Variants in AKAP3 observed in about 807,000 individuals in gnomAD.
The protein encoded by AKAP3 is A-kinase anchoring protein 3, also known as A-kinase anchor protein 3.
In AKAP3, 27 loss-of-function variants were observed where a neutral mutation model predicts 57.2. The ratio of observed to expected loss-of-function variants is 0.47; its 90% CI spans 0.35 to 0.65. The LOEUF (loss-of-function observed/expected upper bound fraction) is 0.65, where lower values mean the gene tolerates loss of function less well. Among genes scored for constraint, AKAP3 ranks in the 30% least tolerant of loss-of-function variants. The pLI is 0.01. For synonymous variants in AKAP3, 334 were observed against 392.3 expected, an observed-to-expected ratio of 0.85 and a Z score of 1.76; for missense variants, 959 against 1,040.0, an observed-to-expected ratio of 0.92 and a Z score of 1.07.
intron 4 of AKAP3, chr12:4,631,250 T>C (rs1003636771): frequency 1.5e-6 from 1 of 669,252 alleles, no homozygotes; most frequent in East Asian, 2.8e-5. Flanking sequence ...TAATGATTTA[T>C]AGAGTTATAT....
chr12:4,648,964 C>A lies in AKAP3; in HGVS notation c.-464G>T. On this transcript the variant is annotated 5_prime_UTR_variant, in exon 1 of 6. Transcript: ENST00000228850. ...CCAAAGTCTTTTCACTTCCTTTCTT[C>A]CCCCTCTCCTTCACTTTCCCAGCTT... is the stretch of plus-strand genomic sequence containing the variant. 3 of 721,736 alleles carry A rather than the reference C, an allele frequency of 4.2e-6. No individual in the cohort carries two copies. Among genetic ancestry groups the A allele is most frequent in the Non-Finnish European group, 6.9e-6 (3 of 437,388 alleles). 44.7% of individuals were successfully genotyped at this position (721,736 alleles called of 1,614,324 possible).
rs1003553510 is a variant in AKAP3 at position 4,627,587 on chromosome 12, T to C, written c.1315A>G (p.Lys439Glu). 5 of 1,614,162 alleles carry C rather than the reference T, an allele frequency of 3.1e-6. No homozygotes were observed. Among genetic ancestry groups the C allele is most frequent in the Non-Finnish European group, 4.2e-6 (5 of 1,180,038 alleles). Residue 439 changes from lysine to glutamate, a missense_variant, in exon 5 of 6, where the codon AAA becomes GAA. Transcript: ENST00000228850. ...KLREKMYSEP[K>E]SEEETCAKTL... Reference sequence around the variant, plus strand: ...TTCGCACAAGTCTCCTCCTCTGATTTGGGTTCAGAATACATTTTTTCTCTC... The same window carrying C: ...TTCGCACAAGTCTCCTCCTCTGATTCGGGTTCAGAATACATTTTTTCTCTC...
At chr12:4,636,670 T>C (rs931915558) in intron 4 of AKAP3, among the ~76,000 whole-genome samples, 1 of 152,242 alleles carries the variant, frequency 6.6e-6, no homozygotes, top group African/African-American at 2.4e-5. Context: ...TAAAACTTTA[T>C]ATAGATCGAC....
intron 3 of AKAP3, among the ~76,000 whole-genome samples, chr12:4,639,847 C>T (rs59421885): frequency 0.092 from 12,921 of 139,852 alleles, 1,080 homozygotes; most frequent in East Asian, 0.28. Context: ...GACAGAGTCT[C>T]GCTCTTTCGC....
At chr12:4,637,026 G>A (rs1482394931) in intron 4 of AKAP3, among the ~76,000 whole-genome samples, 6 of 152,216 alleles carry the variant, frequency 3.9e-5, no homozygotes, top group Admixed American at 3.9e-4. Flanking sequence ...GATTACAGGT[G>A]TGAGCCACTG....
chr12:4,639,496 A>G (rs1023803609), intron 3 of AKAP3, among the ~76,000 whole-genome samples: 3 of 152,104 alleles, frequency 2.0e-5, no homozygotes, highest in Non-Finnish European at 4.4e-5. Flanking sequence ...TTACATATGT[A>G]TACGTGTGCT....
At chr12:4,617,491 G>A (rs534654332) in intron 5 of AKAP3, among the ~76,000 whole-genome samples, 2 of 152,306 alleles carry the variant, frequency 1.3e-5, no homozygotes, top group African/African-American at 2.4e-5. Context: ...AGTGGCTCAC[G>A]CCTGTAATCC....
intron 5 of AKAP3, among the ~76,000 whole-genome samples, chr12:4,623,407 C>G (rs529682882): frequency 1.4e-4 from 22 of 152,326 alleles, no homozygotes; most frequent in African/African-American, 5.3e-4. Context: ...TACATATACA[C>G]CATGGAATAT....
At chr12:4,643,537 T>C (rs1261767262) in intron 2 of AKAP3, among the ~76,000 whole-genome samples, 1 of 152,196 alleles carries the variant, frequency 6.6e-6, no homozygotes, top group Admixed American at 6.5e-5. Context: ...TCTCAGCTTA[T>C]AGATTAGGAT....
rs1325656509 is a variant in AKAP3 at position 4,625,834 on chromosome 12, A to G, written c.2406+662T>C. 6.6e-6 allele frequency among the ~76,000 whole-genome samples: 1 copy of G among 151,836 alleles called. No homozygotes were observed. Among genetic ancestry groups the G allele is most frequent in the African/African-American group, 2.4e-5 (1 of 41,300 alleles). On this transcript the variant is annotated intron_variant, in intron 5 of 5. Coordinates refer to ENST00000228850, the MANE Select transcript of AKAP3 (RefSeq NM_001278309.2). The surrounding 1 kb of genome is among the most constrained non-coding windows in gnomAD (Gnocchi z 5.4). ...AAGTGTGCGTGTTCTCCAGACTCAA[A>G]CCCTCCCTTTGGCGCGCAGTTCTGA...
Position 4,628,522 on chromosome 12 carries a change from T to C in AKAP3, c.380A>G (p.Tyr127Cys), listed in dbSNP as rs1322410967. ...NGSSVDEVSFYANRLTNLVIA... is the reference protein window; with the variant it reads ...NGSSVDEVSFCANRLTNLVIA... ...GACTAGATTCGTGAGGCGGTTAGCA[T>C]AGAAGGAAACTTCATCTACTGAACT... Residue 127 changes from tyrosine (Y) to cysteine (C), a missense_variant, in exon 5 of 6, where the codon TAT (tyrosine) becomes TGT (cysteine). Transcript: ENST00000228850. 1.2e-6 allele frequency: 2 copies of C among 1,614,196 alleles called. No homozygotes were observed. The highest frequency in any genetic ancestry group is 1.1e-5 in the South Asian group (1 of 91,076).
chr12:4,627,576 C>T lies in AKAP3; in HGVS notation c.1326G>A (p.Glu442=), dbSNP rs201940875. The T allele has an allele frequency of 9.9e-6, 16 of 1,614,046 alleles. No homozygotes were observed. The highest frequency in any genetic ancestry group is 3.3e-5 in the Admixed American group (2 of 60,006). ...EKMYSEPKSE[E]ETCAKTLGEH... Reference sequence around the variant, plus strand: ...CACCCAGAGTTTTCGCACAAGTCTCCTCCTCTGATTTGGGTTCAGAATACA... The same window carrying T: ...CACCCAGAGTTTTCGCACAAGTCTCTTCCTCTGATTTGGGTTCAGAATACA... The change falls in exon 5 of 6, where the codon GAG becomes GAA. Residue 442 remains glutamate, a synonymous_variant. Coordinates refer to ENST00000228850, the MANE Select transcript of AKAP3 (RefSeq NM_001278309.2).
At chr12:4,624,157 TA>T (rs1319303099) in intron 5 of AKAP3, among the ~76,000 whole-genome samples, 2 of 152,168 alleles carry the variant, frequency 1.3e-5, no homozygotes, top group South Asian at 2.1e-4. Flanking sequence ...TATCCATACA[TA>T]AGGGAGGGGT....
Position 4,626,616 on chromosome 12 carries a change from G to A in AKAP3, c.2286C>T (p.His762=), listed in dbSNP as rs1565551148. The change falls in exon 5 of 6, where the codon CAC becomes CAT. Residue 762 remains histidine, a synonymous_variant. Coordinates refer to ENST00000228850, the MANE Select transcript of AKAP3 (RefSeq NM_001278309.2). Reference sequence around the variant, plus strand: ...TGTTCTGAACTGTGTCCGTTAGGTTGTGATTGCTGACAATCACCGTGGGTG... The same window carrying A: ...TGTTCTGAACTGTGTCCGTTAGGTTATGATTGCTGACAATCACCGTGGGTG... ...CAAPTVIVSN[H]NLTDTVQNKQ... is the part of the protein sequence containing the mutation. The A allele has an allele frequency of 1.9e-6, 3 of 1,614,212 alleles. No individual in the cohort carries two copies. The highest frequency in any genetic ancestry group is 4.5e-5 in the East Asian group (2 of 44,882).
intron 2 of AKAP3, among the ~76,000 whole-genome samples, chr12:4,643,130 G>A (rs1314216455): frequency 6.6e-6 from 1 of 152,030 alleles, no homozygotes; most frequent in African/African-American, 2.4e-5. Context: ...ATAACTACTA[G>A]TCAAATATAT....
chr12:4,624,587 C>T (rs1184963508), intron 5 of AKAP3, among the ~76,000 whole-genome samples: 1 of 152,054 alleles, frequency 6.6e-6, no homozygotes, highest in Non-Finnish European at 1.5e-5. Context: ...CAGGTTCAAT[C>T]ACCTGAATCA....
rs186449212 is a variant in AKAP3 at position 4,646,487 on chromosome 12, A to C, written c.-244-1295T>G. ...GGAGTTCAGGACCAGCCTGGCCAAC[A>C]TGGCAGAACCCTGTCTCTACTAAAA... is the stretch of plus-strand genomic sequence containing the variant. On this transcript the variant is annotated intron_variant, in intron 1 of 5. Transcript: ENST00000228850. 7.2e-3 allele frequency among the ~76,000 whole-genome samples: 1,088 copies of C among 152,130 alleles called. 10 individuals are homozygous for C. Among genetic ancestry groups the C allele is most frequent in the African/African-American group, 0.025 (1,024 of 41,508 alleles).
In AKAP3 at chr12:4,628,850, T is replaced by C. The variant is rs146054131; in HGVS notation, c.97-45A>G. The C allele has an allele frequency of 1.4e-5, 22 of 1,542,086 alleles. No individual in the cohort carries two copies. In the East Asian group the frequency reaches 3.6e-4, roughly 26 times the overall value. On this transcript the variant is annotated intron_variant, in intron 4 of 5. Coordinates refer to ENST00000228850, the MANE Select transcript of AKAP3 (RefSeq NM_001278309.2). ...TCATCTGACTATAACAAAGTAAAGA[T>C]ATGGGATATTCAAGACAACCTCAAA...
At chr12:4,640,837 A>G (rs1243044937) in intron 3 of AKAP3, among the ~76,000 whole-genome samples, 6 of 152,170 alleles carry the variant, frequency 3.9e-5, no homozygotes, top group Admixed American at 2.0e-4. Context: ...AATCCAAGTT[A>G]CTACCCCCCG....
Sources: gnomAD v4.1 joint callset for allele counts (sites outside exome capture counted in the v4.1 genomes callset) on GRCh38, gnomAD v4.1.1 for gene constraint, Gnocchi (gnomAD v3.1) non-coding constraint, MANE v1.5 for transcripts, NCBI Gene and HGNC (gene_info 2026-07-23, HGNC 2026-07-21) for gene names.